F9: variants seen among roughly 807,000 people sequenced by gnomAD.
F9 encodes Christmas factor.
A neutral mutation model predicts 34.1 loss-of-function variants in F9; 2 were observed. That is an observed-to-expected ratio of 0.06 (90% CI 0.02 to 0.18). The LOEUF (loss-of-function observed/expected upper bound fraction) is 0.18, where lower values mean the gene tolerates loss of function less well. Among genes scored for constraint, F9 ranks in the 10% least tolerant of loss-of-function variants. The pLI is 1.00. For missense variants in F9, 216 were observed against 345.1 expected, an observed-to-expected ratio of 0.63 and a Z score of 2.96; for synonymous variants, 137 against 118.8, an observed-to-expected ratio of 1.15 and a Z score of -1.00.
Position 139,530,981 on chromosome X carries a change from A to G in F9, c.88+129A>G, listed in dbSNP as rs1927333710. On this transcript the variant is annotated intron_variant, in intron 1 of 7. Transcript: ENST00000218099. ...AATATTGAAGAGTCTAACAGCCAGC[A>G]CGCAGGTTGGTAAGTACTGGTTCTT... 1.2e-5 allele frequency: 7 copies of G among 579,978 alleles called. No homozygotes were observed. The African/African-American group carries it at 1.3e-4, about 11-fold the overall frequency. 47.8% of individuals were successfully genotyped at this position (579,978 alleles called of 1,213,427 possible).
chrX:139,547,461 T>A (rs1927742061), intron 4 of F9: 1 of 111,316 alleles, frequency 9.0e-6, no homozygotes, highest in Non-Finnish European at 1.9e-5. Context: ...GCAATACAGA[T>A]ACCTAATAAC....
chrX:139,541,682 G>A lies in F9; in HGVS notation c.391+493G>A, dbSNP rs1394600734. Among the ~76,000 whole-genome samples the A allele has an allele frequency of 7.2e-5, 8 of 111,851 alleles. No homozygotes were observed. The Admixed American group carries it at 7.6e-4, about 11-fold the overall frequency. Reference sequence around the variant, plus strand: ...TCAATTAAGTACAGAACTGGAGTATGACTGGCCAATTATCCCATATAATGG... The same window carrying A: ...TCAATTAAGTACAGAACTGGAGTATAACTGGCCAATTATCCCATATAATGG... On this transcript the variant is annotated intron_variant, in intron 4 of 7. Coordinates refer to ENST00000218099, the MANE Select transcript of F9 (RefSeq NM_000133.4).
At chrX:139,557,348 T>C (rs1399012966) in intron 6 of F9, among the ~76,000 whole-genome samples, 1 of 112,292 alleles carries the variant, frequency 8.9e-6, no homozygotes, top group Non-Finnish European at 1.9e-5. Context: ...TGTAATATCT[T>C]TAAATGCAAA....
chrX:139,535,806 T>G (rs1230596866), intron 1 of F9, among the ~76,000 whole-genome samples: 1 of 111,614 alleles, frequency 9.0e-6, no homozygotes, highest in Non-Finnish European at 1.9e-5. Context: ...GGATATATTC[T>G]GAGAAATGTG....
chrX:139,546,342 T>C (rs1927717325), intron 4 of F9, among the ~76,000 whole-genome samples: 1 of 111,984 alleles, frequency 8.9e-6, no homozygotes, highest in African/African-American at 3.2e-5. Context: ...GCATTTAGGT[T>C]GATTCCATGT....
rs771963916 is a variant in F9, at chrX:139,533,708, C to T, written c.88+2856C>T. Among the ~76,000 whole-genome samples the T allele has an allele frequency of 2.3e-4, 26 of 111,537 alleles. No individual in the cohort carries two copies. In the South Asian group the frequency reaches 9.6e-3, roughly 41 times the overall value. ...GTAAATTTTGTTGACAGGGTCAGGGCCGGACTAGACTGTGGTAAGCAAGGC... is the reference window on the plus strand; with the variant it reads ...GTAAATTTTGTTGACAGGGTCAGGGTCGGACTAGACTGTGGTAAGCAAGGC... On this transcript the variant is annotated intron_variant, in intron 1 of 7. Coordinates refer to ENST00000218099, the MANE Select transcript of F9 (RefSeq NM_000133.4).
chrX:139,549,236 A>G (rs910537628), intron 5 of F9, among the ~76,000 whole-genome samples: 5 of 111,646 alleles, frequency 4.5e-5, no homozygotes, highest in East Asian at 5.6e-4. Context: ...ACTAGATATA[A>G]TTTCTTTTGC....
At chrX:139,550,282 G>A (rs1927810561) in intron 5 of F9, among the ~76,000 whole-genome samples, 1 of 112,311 alleles carries the variant, frequency 8.9e-6, no homozygotes, top group South Asian at 3.7e-4. Context: ...ACCACTTGCT[G>A]TCTTCATGAT....
chrX:139,537,486 A>G, intron 3 of F9, 100 bp downstream of exon 3: 1 of 706,842 alleles, frequency 1.4e-6, no homozygotes, highest in Non-Finnish European at 2.2e-6. Flanking sequence ...ACTTTGTCAA[A>G]AGGACTCAGA....
chrX:139,549,046 TC>T (rs1927782176), intron 5 of F9, among the ~76,000 whole-genome samples: 1 of 111,357 alleles, frequency 9.0e-6, no homozygotes, highest in South Asian at 3.7e-4. Flanking sequence ...AAACAATGTT[TC>T]CCAGTCATGC....
intron 4 of F9, among the ~76,000 whole-genome samples, chrX:139,543,482 T>A (rs1337879761): frequency 8.9e-6 from 1 of 112,083 alleles, no homozygotes; most frequent in Non-Finnish European, 1.9e-5. Flanking sequence ...CTTCTTCAAT[T>A]TTCCCAGCAT....
intron 2 of F9, 77 bp downstream of exon 2, chrX:139,537,250 AT>A: frequency 8.9e-7 from 1 of 1,121,099 alleles, no homozygotes; most frequent in Non-Finnish European, 1.2e-6. Context: ...TCTCTTTAAA[AT>A]TTTAAAGCAT....
chrX:139,535,917 A>C (rs1004278108), intron 1 of F9, among the ~76,000 whole-genome samples: 1 of 110,285 alleles, frequency 9.1e-6, no homozygotes, highest in Non-Finnish European at 1.9e-5. Context: ...GATGTGGCCT[A>C]TTGCTCCTAG....
At position 139,563,273 on chromosome X, in the gene F9, G is replaced by A. The variant is rs757796837; in HGVS notation, c.*1202G>A. 10 of 110,724 alleles carry A rather than the reference G, an allele frequency of 9.0e-5. No individual in the cohort carries two copies. 9.1% of individuals were successfully genotyped at this position (110,724 alleles called of 1,213,427 possible). ...AACTAGCATACCCCGAAGTGGAGAA[G>A]GGTGCAGCAGGCTCAAAGGCATAAG... On this transcript the variant is annotated 3_prime_UTR_variant, in exon 8 of 8. Coordinates refer to ENST00000218099, the MANE Select transcript of F9 (RefSeq NM_000133.4).
intron 6 of F9, among the ~76,000 whole-genome samples, chrX:139,551,656 G>A (rs1683356264): frequency 9.0e-6 from 1 of 110,874 alleles, no homozygotes; most frequent in Non-Finnish European, 1.9e-5. Context: ...TTAAAAGGGG[G>A]TAAAGAAAGG....
At chrX:139,546,620 A>G (rs1436310439) in intron 4 of F9, among the ~76,000 whole-genome samples, 13 of 112,127 alleles carry the variant, frequency 1.2e-4, no homozygotes. Context: ...ATTAAAATAA[A>G]TAAGTATAGA....
At chrX:139,544,905 T>C (rs560472086) in intron 4 of F9, 1 of 111,995 alleles carries the variant, frequency 8.9e-6, no homozygotes, top group East Asian at 2.8e-4. Context: ...GTTCGACTTA[T>C]GGGGAATTAA....
In F9 at chrX:139,559,807, G is replaced by T. The variant is rs4149747; in HGVS notation, c.724-934G>T. Among the ~76,000 whole-genome samples, 431 of 111,789 alleles carry T rather than the reference G, an allele frequency of 3.9e-3. 1 individual carries two copies. Among genetic ancestry groups the T allele is most frequent in the African/African-American group, 0.013 (412 of 30,786 alleles). On this transcript the variant is annotated intron_variant, in intron 6 of 7. Coordinates refer to ENST00000218099, the MANE Select transcript of F9 (RefSeq NM_000133.4). ...AGGGCAGTCGTTCAGAACTAGTCAG[G>T]TCCTGAAAAGGATTTACCAAATGTT...
intron 6 of F9, among the ~76,000 whole-genome samples, chrX:139,558,663 G>A (rs770630937): frequency 8.9e-6 from 1 of 112,215 alleles, no homozygotes; most frequent in South Asian, 3.7e-4. Flanking sequence ...TTCTCACTGA[G>A]CCCCACAAAG....
Sources: gnomAD v4.1 joint callset for allele counts (sites outside exome capture counted in the v4.1 genomes callset) on GRCh38, gnomAD v4.1.1 for gene constraint, MANE v1.5 for transcripts, NCBI Gene and HGNC (gene_info 2026-07-23, HGNC 2026-07-21) for gene names.